The following NR5A2 variants were observed in gnomAD, a reference collection of about 807,000 sequenced individuals.
NR5A2 encodes the protein nuclear receptor subfamily 5 group A member 2.
In NR5A2, 26 loss-of-function variants were observed where a neutral mutation model predicts 62.7. The observed-to-expected ratio is 0.41, with a 90% CI of 0.30 to 0.58. The LOEUF is 0.58. Ranked by LOEUF, NR5A2 falls within the 20% of genes least tolerant of loss-of-function variation. The pLI is 0.22. For missense variants in NR5A2, 541 were observed against 669.1 expected (o/e 0.81, Z 2.11); for synonymous variants, 246 against 241.7 (o/e 1.02, Z -0.16).
chr1:200,035,184 C>T (rs953100178), intron 1 of NR5A2, among the ~76,000 whole-genome samples: 2 of 152,110 alleles, frequency 1.3e-5, no homozygotes, highest in Non-Finnish European at 2.9e-5. Flanking sequence ...ATCTAGACTT[C>T]TTTCGGGGTC....
chr1:200,056,984 T>C (rs977706357), intron 5 of NR5A2, among the ~76,000 whole-genome samples: 2 of 152,222 alleles, frequency 1.3e-5, no homozygotes, highest in African/African-American at 4.8e-5. Context: ...AACTGAGGCT[T>C]AAGCCTCGGC....
intron 5 of NR5A2, among the ~76,000 whole-genome samples, chr1:200,108,810 C>T (rs774223901): frequency 1.3e-5 from 2 of 152,190 alleles, no homozygotes; most frequent in Non-Finnish European, 2.9e-5. Context: ...TGAAATCACT[C>T]CTTAGCACCT....
chr1:200,149,208 G>A (rs1189001965), intron 7 of NR5A2, among the ~76,000 whole-genome samples: 4 of 152,180 alleles, frequency 2.6e-5, no homozygotes, highest in Non-Finnish European at 5.9e-5. Context: ...CACCTCACCC[G>A]GCCACACGCA....
intron 7 of NR5A2, among the ~76,000 whole-genome samples, chr1:200,165,933 CTG>C (rs2102387542): frequency 6.6e-6 from 1 of 152,326 alleles, no homozygotes; most frequent in South Asian, 2.1e-4. Context: ...ATCTGACAAA[CTG>C]AAACTCTATA....
chr1:200,100,045 T>C (rs540419355), intron 5 of NR5A2, among the ~76,000 whole-genome samples: 5 of 152,272 alleles, frequency 3.3e-5, no homozygotes, highest in African/African-American at 1.2e-4. Flanking sequence ...CAGAGGAAAA[T>C]ATATCAAGCT....
At chr1:200,098,589 G>A (rs758322976) in intron 5 of NR5A2, among the ~76,000 whole-genome samples, 47 of 151,322 alleles carry the variant, frequency 3.1e-4, no homozygotes, top group Admixed American at 7.9e-4. Flanking sequence ...TCTGGCACCT[G>A]AGTAGCCTTA....
chr1:200,072,326 A>T (rs1242177521), intron 5 of NR5A2, among the ~76,000 whole-genome samples: 7 of 152,128 alleles, frequency 4.6e-5, no homozygotes, highest in South Asian at 2.1e-4. Context: ...AGATAAATTT[A>T]AAGTTATAGT....
chr1:200,059,276 AG>A (rs1663077771), intron 5 of NR5A2, among the ~76,000 whole-genome samples: 1 of 152,192 alleles, frequency 6.6e-6, no homozygotes, highest in Admixed American at 6.5e-5. Flanking sequence ...AGAATGAGGC[AG>A]TCAGGTATGC....
intron 5 of NR5A2, among the ~76,000 whole-genome samples, chr1:200,087,616 C>T (rs1415304536): frequency 6.6e-6 from 1 of 151,852 alleles, no homozygotes; most frequent in Non-Finnish European, 1.5e-5. Flanking sequence ...AGGATGGTCG[C>T]GATCTCTTGA....
intron 5 of NR5A2, among the ~76,000 whole-genome samples, chr1:200,054,507 G>T (rs1215266724): frequency 6.6e-6 from 1 of 151,994 alleles, no homozygotes; most frequent in Non-Finnish European, 1.5e-5. Context: ...TTCTGGGAAT[G>T]GATATATAAG....
chr1:200,038,801 C>G (rs1310679050), intron 1 of NR5A2: 2 of 1,295,222 alleles, frequency 1.5e-6, no homozygotes, highest in Non-Finnish European at 1.0e-6. Flanking sequence ...TACATCCCCC[C>G]GCCCCGGGCC....
chr1:200,155,868 T>C (rs781298054), intron 7 of NR5A2, among the ~76,000 whole-genome samples: 3 of 152,088 alleles, frequency 2.0e-5, no homozygotes, highest in Non-Finnish European at 4.4e-5. Context: ...GAGACGGGGT[T>C]CCGCCATGTT....
chr1:200,048,911 G>A lies in NR5A2; in HGVS notation c.1110+93G>A, dbSNP rs1662509575. 4 of 1,433,092 alleles carry A rather than the reference G, an allele frequency of 2.8e-6. No individual in the cohort carries two copies. Among genetic ancestry groups the A allele is most frequent in the African/African-American group, 1.4e-5 (1 of 70,124 alleles). 88.8% of individuals were successfully genotyped at this position (1,433,092 alleles called of 1,614,324 possible). A position where few individuals can be genotyped will look rare whatever the true frequency, so the allele number is the denominator to read the frequency against. On this transcript the variant is annotated intron_variant, in intron 5 of 7. Coordinates refer to ENST00000367362, the MANE Select transcript of NR5A2 (RefSeq NM_205860.3). This position sits in a 1 kb window ranked among gnomAD's most constrained non-coding sequence, Gnocchi z 4.8. ...TACATTCTTGGTGCTGAAAATATGT[G>A]TTCCTTAATTTTCTACTTTGTATGA... is the stretch of plus-strand genomic sequence containing the variant.
chr1:200,074,800 T>A (rs886128204), intron 5 of NR5A2, among the ~76,000 whole-genome samples: 3 of 146,980 alleles, frequency 2.0e-5, no homozygotes, highest in South Asian at 4.4e-4. Flanking sequence ...TTTTTTTTTT[T>A]AAATCACTAT....
In NR5A2 at chr1:200,056,508, C is replaced by A. The variant is rs552669811; in HGVS notation, c.1110+7690C>A. Among the ~76,000 whole-genome samples the A allele has an allele frequency of 5.3e-5, 8 of 152,304 alleles. 2 individuals carry two copies. The highest frequency in any genetic ancestry group is 1.9e-4 in the African/African-American group (8 of 41,580). On this transcript the variant is annotated intron_variant, in intron 5 of 7. Transcript: ENST00000367362. ...AATAAACTCCTCTCCCCACCCCAGT[C>A]CCTGCCAATCCTGATCTGTTTTTGT...
intron 5 of NR5A2, among the ~76,000 whole-genome samples, chr1:200,101,186 A>G (rs956829472): frequency 3.3e-5 from 5 of 152,128 alleles, no homozygotes; most frequent in Admixed American, 6.5e-5. Context: ...TGCACTAAGT[A>G]TTTTGCAGGG....
At chr1:200,114,164 C>A (rs183802281) in intron 6 of NR5A2, among the ~76,000 whole-genome samples, 5 of 148,844 alleles carry the variant, frequency 3.4e-5, no homozygotes, top group Non-Finnish European at 7.4e-5. Flanking sequence ...GCCTTGGCAA[C>A]AGAGCAAGAC....
At chr1:200,171,474 C>T (rs937573923) in intron 7 of NR5A2, among the ~76,000 whole-genome samples, 9 of 152,104 alleles carry the variant, frequency 5.9e-5, no homozygotes, top group African/African-American at 9.7e-5. Context: ...CGAGGCTGGA[C>T]GCAGTAGCTC....
At position 200,060,306 on chromosome 1, in the gene NR5A2, C is replaced by T. The variant is rs183797507; in HGVS notation, c.1110+11488C>T. 6.8e-4 allele frequency among the ~76,000 whole-genome samples: 104 copies of T among 152,248 alleles called. 1 individual carries two copies. Among genetic ancestry groups the T allele is most frequent in the African/African-American group, 4.3e-4 (18 of 41,552 alleles). On this transcript the variant is annotated intron_variant, in intron 5 of 7. Coordinates refer to ENST00000367362, the MANE Select transcript of NR5A2 (RefSeq NM_205860.3). ...ATGTGGTTGAGCAAGGAAGGCAACT[C>T]GTTCCCTACAAGTCTGAGAATGGGT...
Sources: allele counts gnomAD v4.1 joint callset (sites outside exome capture counted in the v4.1 genomes callset), GRCh38; gene constraint gnomAD v4.1.1; non-coding constraint Gnocchi (gnomAD v3.1); transcripts MANE v1.5; gene names NCBI Gene and HGNC (gene_info 2026-07-23, HGNC 2026-07-21).